The following RHBDD1 variants were observed in gnomAD, a reference collection of about 807,000 sequenced individuals.
The protein encoded by RHBDD1 is rhomboid-related protein 4.
A neutral mutation model predicts 36.3 loss-of-function variants in RHBDD1; 38 were observed. The observed-to-expected ratio is 1.05, with a 90% CI of 0.81 to 1.37. The LOEUF (loss-of-function observed/expected upper bound fraction) is 1.37, where lower values mean the gene tolerates loss of function less well. RHBDD1 is among the 40% of genes most tolerant of loss of function. RHBDD1 has a pLI of 0.00. For synonymous variants in RHBDD1, 151 were observed against 136.5 expected (o/e 1.11, Z -0.74); for missense variants, 393 against 377.6 (o/e 1.04, Z -0.34).
intron 8 of RHBDD1, among the ~76,000 whole-genome samples, chr2:226,944,746 T>A (rs1950866388): frequency 6.6e-6 from 1 of 152,200 alleles, no homozygotes; most frequent in Admixed American, 6.6e-5. Flanking sequence ...GACAGAATAC[T>A]TAGGTAGTGA....
intron 8 of RHBDD1, among the ~76,000 whole-genome samples, chr2:226,946,606 A>G (rs1951008106): frequency 6.6e-6 from 1 of 152,204 alleles, no homozygotes; most frequent in Admixed American, 6.5e-5. Context: ...ACTAACAAAG[A>G]AGAAAAGAGA....
At chr2:226,815,957 A>G in the RHBDD1 span, among the ~76,000 whole-genome samples, 1 of 152,204 alleles carries the variant, frequency 6.6e-6, no homozygotes, top group Non-Finnish European at 1.5e-5. Flanking sequence ...TTATTGCTTT[A>G]GGTTTTCTTA....
At chr2:226,920,240 A>C (rs1019786657) in intron 8 of RHBDD1, among the ~76,000 whole-genome samples, 2 of 151,888 alleles carry the variant, frequency 1.3e-5, no homozygotes, top group Non-Finnish European at 2.9e-5. Context: ...TTGTATGTTG[A>C]TTTTATATCC....
At position 226,842,333 on chromosome 2, in the gene RHBDD1, C is replaced by CT. The variant is rs533350308; in HGVS notation, c.-91+2710dup. Among the ~76,000 whole-genome samples the CT allele has an allele frequency of 1.2e-3, 177 of 152,192 alleles. 1 individual carries two copies. The highest frequency in any genetic ancestry group is 4.0e-3 in the African/African-American group (168 of 41,554). On this transcript the variant is annotated intron_variant, in intron 3 of 8. Transcript: ENST00000392062. ...TCAATTTTTGCTTTTGTTGCAATTG[C>CT]TTTTGGTGTTTTCATCATGAAATCT...
At chr2:226,938,555 T>C (rs1338654191) in intron 8 of RHBDD1, among the ~76,000 whole-genome samples, 2 of 152,120 alleles carry the variant, frequency 1.3e-5, no homozygotes, top group Non-Finnish European at 2.9e-5. Flanking sequence ...ACATACACCC[T>C]TCCAAGACTG....
At chr2:226,824,586 G>GC in the RHBDD1 span, among the ~76,000 whole-genome samples, 1 of 152,118 alleles carries the variant, frequency 6.6e-6, no homozygotes, top group Non-Finnish European at 1.5e-5. Context: ...GTCAAAAATT[G>GC]CCCCCACTCC....
In RHBDD1 at chr2:226,907,016, C is replaced by T. The variant is rs539416589; in HGVS notation, c.655+135C>T. 13 of 913,398 alleles carry T rather than the reference C, an allele frequency of 1.4e-5. No individual in the cohort carries two copies. The African/African-American group carries it at 1.5e-4, about 10-fold the overall frequency. The allele number at this position is 913,398 out of a possible 1,614,324, so 56.6% of individuals were successfully genotyped here. ...AATATGCCTGTTTTTCTTTTTAAAC[C>T]GAAAGGTAAAACAACCAGTGCAGTT... is the stretch of plus-strand genomic sequence containing the variant. On this transcript the variant is annotated intron_variant, in intron 6 of 8. Coordinates refer to ENST00000392062, the MANE Select transcript of RHBDD1 (RefSeq NM_001167608.3).
chr2:226,836,622 A>G (rs1444859364), intron 1 of RHBDD1, among the ~76,000 whole-genome samples: 2 of 152,240 alleles, frequency 1.3e-5, no homozygotes, highest in African/African-American at 4.8e-5. Context: ...GAAACGGATC[A>G]CAGCCTTATT....
At chr2:226,920,533 T>A (rs1171898664) in intron 8 of RHBDD1, among the ~76,000 whole-genome samples, 11 of 152,172 alleles carry the variant, frequency 7.2e-5, no homozygotes. Context: ...CTGTCATATG[T>A]GACTTTTATT....
intron 7 of RHBDD1, among the ~76,000 whole-genome samples, chr2:226,913,513 G>A (rs1948667763): frequency 6.6e-6 from 1 of 152,112 alleles, no homozygotes; most frequent in South Asian, 2.1e-4. Flanking sequence ...TTCCAAAAAT[G>A]AACTTTTCCC....
At chr2:226,905,266 C>T (rs535499994) in intron 5 of RHBDD1, among the ~76,000 whole-genome samples, 7 of 151,836 alleles carry the variant, frequency 4.6e-5, no homozygotes, top group South Asian at 2.1e-4. Flanking sequence ...GGCAGGCAGA[C>T]GTGTAAGTAC....
chr2:226,885,459 A>G (rs1486453366), intron 5 of RHBDD1, among the ~76,000 whole-genome samples: 4 of 152,198 alleles, frequency 2.6e-5, no homozygotes, highest in Non-Finnish European at 4.4e-5. Flanking sequence ...GTTGTACATC[A>G]TGATAGAATA....
chr2:226,984,664 G>C (rs867381566), intron 8 of RHBDD1, among the ~76,000 whole-genome samples: 1 of 152,178 alleles, frequency 6.6e-6, no homozygotes, highest in Non-Finnish European at 1.5e-5. Context: ...CGTAGGCTAA[G>C]GAATTAGAAA....
At chr2:226,832,071 TTCC>T (rs1478252206), upstream of RHBDD1, among the ~76,000 whole-genome samples, 1 of 152,084 alleles carries the variant, frequency 6.6e-6, no homozygotes, top group East Asian at 1.9e-4. Flanking sequence ...AAGGTTTACG[TTCC>T]TCCTCTTTTT....
At chr2:226,885,606 T>C (rs1379883404) in intron 5 of RHBDD1, among the ~76,000 whole-genome samples, 1 of 152,090 alleles carries the variant, frequency 6.6e-6, no homozygotes, top group Non-Finnish European at 1.5e-5. Flanking sequence ...AAAATAGTCA[T>C]ACAAAAAGGA....
At chr2:226,819,356 T>C in the RHBDD1 span, among the ~76,000 whole-genome samples, 2 of 152,210 alleles carry the variant, frequency 1.3e-5, no homozygotes, top group African/African-American at 4.8e-5. Flanking sequence ...GATGTACATA[T>C]TTTATTTTCT....
chr2:226,830,332 A>C, the RHBDD1 span, among the ~76,000 whole-genome samples: 1 of 152,192 alleles, frequency 6.6e-6, no homozygotes, highest in Admixed American at 6.5e-5. Context: ...GGCACTCATC[A>C]ATCTGCCCAT....
At chr2:226,864,178 G>A (rs1427619697) in intron 3 of RHBDD1, among the ~76,000 whole-genome samples, 1 of 152,114 alleles carries the variant, frequency 6.6e-6, no homozygotes, top group Non-Finnish European at 1.5e-5. Flanking sequence ...AAACTTTGGA[G>A]CAAACTCATT....
chr2:226,803,359 T>C, the RHBDD1 span, among the ~76,000 whole-genome samples: 3 of 151,992 alleles, frequency 2.0e-5, no homozygotes, highest in East Asian at 5.8e-4. Context: ...AGATGTCAAA[T>C]AACAAGTGGT....
Sources: gnomAD v4.1 joint callset for allele counts (sites outside exome capture counted in the v4.1 genomes callset) on GRCh38, gnomAD v4.1.1 for gene constraint, MANE v1.5 for transcripts, NCBI Gene and HGNC (gene_info 2026-07-23, HGNC 2026-07-21) for gene names.